Variants in DAPK1 observed in about 807,000 individuals in gnomAD.
DAPK1 encodes the protein death-associated protein kinase 1.
Under a neutral mutation model 144.9 loss-of-function variants are expected in DAPK1, and 56 were observed. The ratio of observed to expected loss-of-function variants is 0.39; its 90% CI spans 0.31 to 0.48. The LOEUF (loss-of-function observed/expected upper bound fraction) is 0.48. DAPK1 is among the 20% of genes least tolerant of loss of function. DAPK1 has a pLI of 0.95. For synonymous variants in DAPK1, 690 were observed against 749.0 expected (o/e 0.92, Z 1.29); for missense variants, 1,454 against 1,875.4 (o/e 0.78, Z 4.15).
intron 2 of DAPK1, among the ~76,000 whole-genome samples, chr9:87,551,085 C>T (rs1441128484): frequency 1.3e-5 from 2 of 152,140 alleles, no homozygotes; most frequent in Non-Finnish European, 2.9e-5. Flanking sequence ...CTGGTGGAGA[C>T]AGTAGCTACA....
chr9:87,672,892 AG>A, intron 19 of DAPK1, among the ~76,000 whole-genome samples: 1 of 152,282 alleles, frequency 6.6e-6, no homozygotes, highest in Admixed American at 6.5e-5. Flanking sequence ...GACACCAGGA[AG>A]GGGACTGACC....
chr9:87,681,170 C>T (rs193293564), intron 19 of DAPK1, among the ~76,000 whole-genome samples: 21 of 151,718 alleles, frequency 1.4e-4, no homozygotes, highest in African/African-American at 4.4e-4. Context: ...CCCAGCTACT[C>T]GGGAGGCTGA....
rs34507988 is a variant in DAPK1 at position 87,687,807 on chromosome 9, A to AT, written c.2413+1078dup. ...CTCTGCATCATTGCCAGCTTCTGCT[A>AT]TTTTTTTTTTGTCTTTTTAATAATA... On this transcript the variant is annotated intron_variant, in intron 21 of 25. Transcript: ENST00000408954. Among the ~76,000 whole-genome samples, 266 of 150,814 alleles carry AT rather than the reference A, an allele frequency of 1.8e-3. 5 individuals carry two copies. The highest frequency in any genetic ancestry group is 4.7e-3 in the African/African-American group (193 of 41,118).
chr9:87,587,877 C>G (rs1827992974), intron 2 of DAPK1, among the ~76,000 whole-genome samples: 1 of 152,244 alleles, frequency 6.6e-6, no homozygotes. Flanking sequence ...AGCTTTGGCA[C>G]ATGCCTAAAA....
chr9:87,643,079 A>G (rs937137534), intron 10 of DAPK1, among the ~76,000 whole-genome samples: 2 of 152,148 alleles, frequency 1.3e-5, no homozygotes, highest in Non-Finnish European at 2.9e-5. Context: ...ATATAGAGAG[A>G]GAAAGGATGT....
chr9:87,605,554 CT>C (rs1178175137), intron 3 of DAPK1, among the ~76,000 whole-genome samples: 1 of 152,004 alleles, frequency 6.6e-6, no homozygotes, highest in Non-Finnish European at 1.5e-5. Flanking sequence ...GTTTTTCTGC[CT>C]TTCTTCCTCT....
At chr9:87,666,414 G>A (rs1413123342) in intron 18 of DAPK1, among the ~76,000 whole-genome samples, 1 of 151,936 alleles carries the variant, frequency 6.6e-6, no homozygotes, top group Non-Finnish European at 1.5e-5. Context: ...TTTGCAAGCT[G>A]TAAAGTGCAG....
At chr9:87,592,501 C>A (rs1828173907) in intron 2 of DAPK1, among the ~76,000 whole-genome samples, 1 of 152,234 alleles carries the variant, frequency 6.6e-6, no homozygotes, top group Non-Finnish European at 1.5e-5. Flanking sequence ...GATACCAACT[C>A]CAAACCGCAT....
At chr9:87,518,301 T>TG (rs1563970604) in intron 2 of DAPK1, among the ~76,000 whole-genome samples, 1 of 139,744 alleles carries the variant, frequency 7.2e-6, no homozygotes, top group African/African-American at 2.7e-5. Flanking sequence ...TTTTTTTTTG[T>TG]ATTTTTAGTA....
At chr9:87,534,121 A>C (rs200528140) in intron 2 of DAPK1, among the ~76,000 whole-genome samples, 1 of 147,946 alleles carries the variant, frequency 6.8e-6, no homozygotes, top group Admixed American at 6.7e-5. Context: ...TTTTTTTTTA[A>C]TTTTGCAAGC....
intron 3 of DAPK1, among the ~76,000 whole-genome samples, chr9:87,617,959 ATC>A (rs770803768): frequency 1.0e-3 from 153 of 152,316 alleles, no homozygotes; most frequent in Non-Finnish European, 2.0e-3. Context: ...TGTGGCACAC[ATC>A]TAGTCTTCCG....
chr9:87,521,257 T>C (rs1419705721), intron 2 of DAPK1, among the ~76,000 whole-genome samples: 1 of 152,124 alleles, frequency 6.6e-6, no homozygotes, highest in African/African-American at 2.4e-5. Flanking sequence ...TCCTGAAAAA[T>C]GAACAGTTGT....
intron 2 of DAPK1, among the ~76,000 whole-genome samples, chr9:87,598,303 G>C (rs892106145): frequency 3.3e-5 from 5 of 152,184 alleles, no homozygotes; most frequent in Non-Finnish European, 5.9e-5. Flanking sequence ...GGAAAGACTT[G>C]GGAGGAGCGT....
intron 19 of DAPK1, among the ~76,000 whole-genome samples, chr9:87,677,880 C>T (rs1024565431): frequency 2.0e-5 from 3 of 152,150 alleles, no homozygotes; most frequent in African/African-American, 2.4e-5. Flanking sequence ...TCGGTGGCAG[C>T]GCGGCAGCAT....
intron 2 of DAPK1, among the ~76,000 whole-genome samples, chr9:87,557,744 C>T (rs1445789086): frequency 1.3e-5 from 2 of 152,204 alleles, no homozygotes; most frequent in African/African-American, 4.8e-5. Context: ...AGTTCGAGAA[C>T]AGCCTGGCCA....
At chr9:87,666,835 C>A (rs560122227) in intron 18 of DAPK1, among the ~76,000 whole-genome samples, 3 of 152,150 alleles carry the variant, frequency 2.0e-5, no homozygotes, top group Non-Finnish European at 4.4e-5. Flanking sequence ...GTGGAGAGTT[C>A]ATCCTGTCGG....
intron 2 of DAPK1, among the ~76,000 whole-genome samples, chr9:87,567,741 G>C (rs1370786094): frequency 6.6e-6 from 1 of 152,074 alleles, no homozygotes; most frequent in African/African-American, 2.4e-5. Context: ...TCCTCAGATT[G>C]CCTCCGAATG....
chr9:87,595,984 A>T (rs1332426214), intron 2 of DAPK1, among the ~76,000 whole-genome samples: 3 of 152,256 alleles, frequency 2.0e-5, no homozygotes, highest in South Asian at 4.1e-4. Context: ...ATAATTTTTT[A>T]AAAATCACCG....
chr9:87,610,248 T>A (rs1828876778), intron 3 of DAPK1, among the ~76,000 whole-genome samples: 1 of 152,222 alleles, frequency 6.6e-6, no homozygotes. Context: ...CAAATGTGAT[T>A]TCTTAAAATC....
Sources: gnomAD v4.1 joint callset for allele counts (sites outside exome capture counted in the v4.1 genomes callset) on GRCh38, gnomAD v4.1.1 for gene constraint, MANE v1.5 for transcripts, NCBI Gene and HGNC (gene_info 2026-07-23, HGNC 2026-07-21) for gene names.